The following ADAMTSL1 variants were observed in gnomAD, a reference collection of about 807,000 sequenced individuals.
ADAMTSL1 encodes ADAMTS-like protein 1.
Under a neutral mutation model 201.8 loss-of-function variants are expected in ADAMTSL1, and 126 were observed. The observed-to-expected ratio is 0.62, with a 90% CI of 0.54 to 0.72. ADAMTSL1 has a LOEUF of 0.72. Ranked by LOEUF, ADAMTSL1 falls within the 30% of genes least tolerant of loss-of-function variation. The probability of loss-of-function intolerance (pLI) is 0.00; values close to 1 mark genes in which losing one functional copy is unlikely to be tolerated. For synonymous variants in ADAMTSL1, 1,121 were observed against 903.4 expected, an observed-to-expected ratio of 1.24 and a Z score of -4.32; for missense variants, 2,679 against 2,277.8, an observed-to-expected ratio of 1.18 and a Z score of -3.59.
chr9:18,686,222 G>A (rs1034045703), intron 13 of ADAMTSL1, among the ~76,000 whole-genome samples: 3 of 152,184 alleles, frequency 2.0e-5, no homozygotes, highest in East Asian at 1.9e-4. Context: ...CGCCTGGCCC[G>A]GGAAAACACA....
At chr9:18,558,327 C>T (rs1038048062) in intron 3 of ADAMTSL1, among the ~76,000 whole-genome samples, 1 of 152,002 alleles carries the variant, frequency 6.6e-6, no homozygotes, top group Non-Finnish European at 1.5e-5. Context: ...TGTGCCTGCA[C>T]AGGACATGAA....
intron 1 of ADAMTSL1, among the ~76,000 whole-genome samples, chr9:18,132,914 C>G (rs573344906): frequency 1.3e-5 from 2 of 152,056 alleles, no homozygotes; most frequent in Non-Finnish European, 2.9e-5. Context: ...CAAGAATTTG[C>G]CAAGGATTAC....
intron 19 of ADAMTSL1, among the ~76,000 whole-genome samples, chr9:18,791,180 T>C (rs1397654885): frequency 6.6e-6 from 1 of 152,336 alleles, no homozygotes; most frequent in East Asian, 1.9e-4. Context: ...CTAGGTAAAC[T>C]GAAGCAAGCC....
At position 18,275,057 on chromosome 9, in the gene ADAMTSL1, T is replaced by C. The variant is rs117087730; in HGVS notation, c.207+111076T>C. The stretch of plus-strand genomic sequence containing the variant: ...ATCTAAAGTAAGAGAGCCAACCCAA[T>C]GATTTGAAGACAATACATCTTTTGT... On this transcript the variant is annotated intron_variant, in intron 2 of 29. Transcript: ENST00000680146. 7.2e-5 allele frequency among the ~76,000 whole-genome samples: 11 copies of C among 152,294 alleles called. No individual in the cohort carries two copies. The East Asian group carries it at 2.1e-3, about 29-fold the overall frequency.
intron 23 of ADAMTSL1, among the ~76,000 whole-genome samples, chr9:18,880,703 A>G (rs1431547947): frequency 6.6e-6 from 1 of 152,204 alleles, no homozygotes; most frequent in Non-Finnish European, 1.5e-5. Context: ...GGAACTAGAG[A>G]TGACCATTGG....
intron 1 of ADAMTSL1, among the ~76,000 whole-genome samples, chr9:17,987,148 G>A (rs1227939188): frequency 1.3e-5 from 2 of 152,026 alleles, no homozygotes; most frequent in African/African-American, 4.8e-5. Context: ...TTTGATATCA[G>A]ACAAGAGAGT....
chr9:18,507,862 C>CT (rs1353983781), intron 2 of ADAMTSL1, among the ~76,000 whole-genome samples: 1 of 152,094 alleles, frequency 6.6e-6, no homozygotes, highest in Non-Finnish European at 1.5e-5. Flanking sequence ...CAGGGGAGAC[C>CT]TTATCCTAAG....
intron 13 of ADAMTSL1, among the ~76,000 whole-genome samples, chr9:18,692,717 A>C (rs934048469): frequency 1.3e-5 from 2 of 152,248 alleles, no homozygotes; most frequent in African/African-American, 4.8e-5. Flanking sequence ...AAAAGTATTG[A>C]GTTTCCAATA....
intron 9 of ADAMTSL1, among the ~76,000 whole-genome samples, chr9:18,663,075 A>G (rs1338769165): frequency 6.6e-6 from 1 of 152,184 alleles, no homozygotes; most frequent in Non-Finnish European, 1.5e-5. Context: ...GACTTGGGCA[A>G]TGTCGATGCA....
intron 1 of ADAMTSL1, among the ~76,000 whole-genome samples, chr9:18,492,163 T>C (rs1202490757): frequency 6.6e-6 from 1 of 152,164 alleles, no homozygotes; most frequent in Non-Finnish European, 1.5e-5. Flanking sequence ...TCTGTTTTGA[T>C]ACAAAACAAA....
chr9:17,984,431 T>C (rs1248479551), intron 1 of ADAMTSL1, among the ~76,000 whole-genome samples: 3 of 152,176 alleles, frequency 2.0e-5, no homozygotes, highest in African/African-American at 7.2e-5. Flanking sequence ...TTTTCTTTAC[T>C]AGTTTCTTTT....
At chr9:18,663,395 C>T (rs1009310400) in intron 9 of ADAMTSL1, among the ~76,000 whole-genome samples, 5 of 152,090 alleles carry the variant, frequency 3.3e-5, no homozygotes, top group East Asian at 3.9e-4. Context: ...AAATTGGATA[C>T]GACATAAAAA....
chr9:18,291,221 C>G (rs1833247621), intron 2 of ADAMTSL1, among the ~76,000 whole-genome samples: 1 of 152,104 alleles, frequency 6.6e-6, no homozygotes, highest in Non-Finnish European at 1.5e-5. Flanking sequence ...ATAAATGATA[C>G]TAAATCCTAA....
chr9:18,525,948 T>C (rs981661553), intron 2 of ADAMTSL1, among the ~76,000 whole-genome samples: 2 of 152,258 alleles, frequency 1.3e-5, no homozygotes, highest in Non-Finnish European at 2.9e-5. Context: ...GTTTTGTAGA[T>C]GTCTATTAGA....
chr9:18,564,910 A>G (rs1053964024), intron 3 of ADAMTSL1, among the ~76,000 whole-genome samples: 4 of 152,194 alleles, frequency 2.6e-5, no homozygotes, highest in African/African-American at 7.2e-5. Context: ...ACAAACTACA[A>G]CCAGTCTTAG....
At chr9:18,114,477 T>C (rs1025752856) in intron 1 of ADAMTSL1, among the ~76,000 whole-genome samples, 3 of 151,932 alleles carry the variant, frequency 2.0e-5, no homozygotes, top group Non-Finnish European at 2.9e-5. Flanking sequence ...GCAGCAATAA[T>C]GCTAAAAAAT....
At chr9:18,329,278 A>T (rs1044596940) in intron 2 of ADAMTSL1, among the ~76,000 whole-genome samples, 1 of 152,168 alleles carries the variant, frequency 6.6e-6, no homozygotes, top group Non-Finnish European at 1.5e-5. Flanking sequence ...GTGAGAAATC[A>T]ATTTCAGTTT....
rs377116588 is a variant in ADAMTSL1, at chr9:18,151,414, T to A, written c.88-12448T>A. 1.7e-4 allele frequency among the ~76,000 whole-genome samples: 26 copies of A among 152,150 alleles called. 1 individual carries two copies. The South Asian group carries it at 5.2e-3, about 30-fold the overall frequency. On this transcript the variant is annotated intron_variant, in intron 1 of 29. Transcript: ENST00000680146. Reference sequence around the variant, plus strand: ...AAAGACTCTCAGAATTCCTCTAAATTTTTTCTTCAGCTCCTGTGTGAATGC... The same window carrying A: ...AAAGACTCTCAGAATTCCTCTAAATATTTTCTTCAGCTCCTGTGTGAATGC...
chr9:18,564,545 A>G (rs1821756519), intron 3 of ADAMTSL1, among the ~76,000 whole-genome samples: 1 of 152,228 alleles, frequency 6.6e-6, no homozygotes, highest in South Asian at 2.1e-4. Flanking sequence ...CAAGGAATTT[A>G]TGTGCTGAAA....
Sources: allele counts gnomAD v4.1 joint callset (sites outside exome capture counted in the v4.1 genomes callset), GRCh38; gene constraint gnomAD v4.1.1; transcripts MANE v1.5; gene names NCBI Gene and HGNC (gene_info 2026-07-23, HGNC 2026-07-21).